Variants in TARS3 observed in about 807,000 individuals in gnomAD.
TARS3 encodes threonine--tRNA ligase 2, cytoplasmic.
A neutral mutation model predicts 103.5 loss-of-function variants in TARS3; 94 were observed. The ratio of observed to expected loss-of-function variants is 0.91; its 90% CI spans 0.77 to 1.08. The LOEUF is 1.08. TARS3 is among the 50% of genes least tolerant of loss of function. The pLI is 0.00. For synonymous variants in TARS3, 416 were observed against 355.4 expected (o/e 1.17, Z -1.92); for missense variants, 952 against 995.2 (o/e 0.96, Z 0.58).
At chr15:101,657,893 G>C (rs778070049) in intron 16 of TARS3, 36 bp from the exon 17 acceptor site, 10 of 1,269,090 alleles carry the variant, frequency 7.9e-6, no homozygotes, top group Non-Finnish European at 1.1e-5. Context: ...TTTTCAAAGT[G>C]TAATAATGGC....
At chr15:101,663,049 ACT>A (rs1307542479) in intron 15 of TARS3, among the ~76,000 whole-genome samples, 1 of 152,094 alleles carries the variant, frequency 6.6e-6, no homozygotes, top group Non-Finnish European at 1.5e-5. Flanking sequence ...CATTTAAATA[ACT>A]CTTTTTTGTG....
chr15:101,706,845 TAAC>T (rs1470749353), intron 6 of TARS3, among the ~76,000 whole-genome samples: 6 of 152,204 alleles, frequency 3.9e-5, no homozygotes, highest in Non-Finnish European at 1.5e-5. Context: ...TCATTTTCCT[TAAC>T]AAAGATTAAT....
At position 101,711,919 on chromosome 15, in the gene TARS3, A is replaced by G. The variant is rs1323061876; in HGVS notation, c.773T>C (p.Ile258Thr). The part of the protein sequence containing the change: ...YGGHLCYGPP[I>T]ENGFYYDMFI... The stretch of plus-strand genomic sequence containing the variant: ...CATGTCATAATAAAATCCATTTTCA[A>G]TGGGCGGACCGTAGCACAGGTGGCC... Residue 258 changes from isoleucine to threonine, a missense_variant, in exon 5 of 19, where the codon ATT (isoleucine) becomes ACT (threonine). Around this residue, in one of 2 missense-constraint regions of TARS3, gnomAD observed 412 missense variants for 364.2 expected, o/e 1.13. Coordinates refer to ENST00000335968, the MANE Select transcript of TARS3 (RefSeq NM_152334.3). The G allele has an allele frequency of 6.2e-7, 1 of 1,613,966 alleles. No individual in the cohort carries two copies.
chr15:101,704,450 C>G (rs1596319001), intron 7 of TARS3, among the ~76,000 whole-genome samples: 4 of 151,988 alleles, frequency 2.6e-5, no homozygotes, highest in Admixed American at 6.6e-5. Flanking sequence ...GTCAGGCATT[C>G]GAGACCAGCC....
At chr15:101,666,348 T>C (rs947845622) in intron 15 of TARS3, among the ~76,000 whole-genome samples, 3 of 151,764 alleles carry the variant, frequency 2.0e-5, no homozygotes, top group Non-Finnish European at 2.9e-5. Flanking sequence ...TGGTGGTGCA[T>C]GCCTATAGTC....
At chr15:101,681,137 T>C (rs1898239960) in intron 12 of TARS3, among the ~76,000 whole-genome samples, 1 of 152,244 alleles carries the variant, frequency 6.6e-6, no homozygotes, top group Non-Finnish European at 1.5e-5. Context: ...GACTCTGTTT[T>C]GCTGATTTAT....
At chr15:101,677,981 G>A (rs1249719246) in intron 12 of TARS3, among the ~76,000 whole-genome samples, 1 of 145,186 alleles carries the variant, frequency 6.9e-6, no homozygotes, top group Non-Finnish European at 1.5e-5. Context: ...TTTTTTGGGG[G>A]TCATTTTTTT....
chr15:101,670,272 C>T (rs570652047), intron 15 of TARS3, among the ~76,000 whole-genome samples: 172 of 152,258 alleles, frequency 1.1e-3, no homozygotes, highest in African/African-American at 4.0e-3. Flanking sequence ...TCATATATTC[C>T]TCCAAGGGCT....
chr15:101,714,024 T>C (rs532885020), intron 4 of TARS3, among the ~76,000 whole-genome samples: 10 of 152,310 alleles, frequency 6.6e-5, no homozygotes, highest in African/African-American at 1.9e-4. Flanking sequence ...AATCATAACT[T>C]AGGTTTCATG....
chr15:101,696,432 A>G (rs1447857868), intron 10 of TARS3, among the ~76,000 whole-genome samples: 1 of 152,110 alleles, frequency 6.6e-6, no homozygotes, highest in Admixed American at 6.6e-5. Context: ...CTACCTGAAT[A>G]CAGTCATGTA....
intron 10 of TARS3, among the ~76,000 whole-genome samples, chr15:101,698,925 G>A (rs1345474699): frequency 6.6e-6 from 1 of 152,146 alleles, no homozygotes; most frequent in East Asian, 1.9e-4. Flanking sequence ...CCTGTCAAGT[G>A]GAAACCCAAG....
intron 10 of TARS3, chr15:101,699,352 G>A: frequency 2.2e-6 from 1 of 455,122 alleles, no homozygotes; most frequent in Admixed American, 2.4e-5. Flanking sequence ...AGATCACTGG[G>A]TTTGTGCATT....
At chr15:101,662,708 T>G (rs1897430671) in intron 15 of TARS3, among the ~76,000 whole-genome samples, 1 of 152,182 alleles carries the variant, frequency 6.6e-6, no homozygotes, top group African/African-American at 2.4e-5. Flanking sequence ...TCCCAAAAAT[T>G]GAAACCAGTA....
intron 12 of TARS3, among the ~76,000 whole-genome samples, chr15:101,681,205 G>A (rs1315008329): frequency 6.6e-6 from 1 of 152,160 alleles, no homozygotes; most frequent in Non-Finnish European, 1.5e-5. Flanking sequence ...CAAGCATAGT[G>A]ACTCTTCCAA....
chr15:101,654,619 C>G lies in TARS3; in HGVS notation c.2372G>C (p.Arg791Thr), dbSNP rs1373554684. Residue 791 changes from arginine to threonine, a missense_variant, in exon 19 of 19, where the codon AGG becomes ACG. This residue lies in a region of TARS3 where 540 missense variants were observed against 631.0 expected (regional missense o/e 0.86). Coordinates refer to ENST00000335968, the MANE Select transcript of TARS3 (RefSeq NM_152334.3). ...TSAIDKLKNL[R>T]KTRTLNAEEA... The stretch of plus-strand genomic sequence containing the variant: ...CTCAGCATTGAGTGTCCGTGTCTTC[C>G]TGAGATTCTTCAGTTTATCAATGGC... The G allele has an allele frequency of 6.2e-7, 1 of 1,613,992 alleles. No individual in the cohort carries two copies. Among genetic ancestry groups the G allele is most frequent in the Non-Finnish European group, 8.5e-7 (1 of 1,180,032 alleles).
intron 6 of TARS3, among the ~76,000 whole-genome samples, chr15:101,708,076 T>C (rs1226195751): frequency 6.6e-6 from 1 of 151,884 alleles, no homozygotes; most frequent in Non-Finnish European, 1.5e-5. Context: ...AAACTTTGTC[T>C]CTACTAAAAG....
intron 10 of TARS3, among the ~76,000 whole-genome samples, chr15:101,696,210 C>CAAAAAA (rs57512244): frequency 1.2e-4 from 10 of 81,760 alleles, no homozygotes; most frequent in South Asian, 8.2e-4. Flanking sequence ...GACTTTGTCT[C>CAAAAAA]AAAAAAAAAA....
chr15:101,702,840 T>C (rs530339747), intron 8 of TARS3, among the ~76,000 whole-genome samples: 1 of 152,340 alleles, frequency 6.6e-6, no homozygotes, highest in South Asian at 2.1e-4. Context: ...GGGAACAATC[T>C]TAAAATGGAT....
Position 101,654,480 on chromosome 15 carries a change from C to G in TARS3, c.*102G>C. ...TTCTCAGCTGAGGCCATGAGTGGAC[C>G]CATCAGTGGCTCCAAAGTCGTAGAA... On this transcript the variant is annotated 3_prime_UTR_variant, in exon 19 of 19. Coordinates refer to ENST00000335968, the MANE Select transcript of TARS3 (RefSeq NM_152334.3). The G allele has an allele frequency of 8.0e-7, 1 of 1,246,998 alleles. No homozygotes were observed. Among genetic ancestry groups the G allele is most frequent in the Middle Eastern group, 1.9e-4 (1 of 5,180 alleles). 77.2% of individuals were successfully genotyped at this position (1,246,998 alleles called of 1,614,324 possible).
Sources: allele counts gnomAD v4.1 joint callset (sites outside exome capture counted in the v4.1 genomes callset), GRCh38; gene constraint gnomAD v4.1.1; regional missense constraint gnomAD v4.1.1; transcripts MANE v1.5; gene names NCBI Gene and HGNC (gene_info 2026-07-23, HGNC 2026-07-21).